VPS35: variants seen among roughly 807,000 people sequenced by gnomAD.
VPS35 encodes vacuolar protein sorting-associated protein 35.
Under a neutral mutation model 98.1 loss-of-function variants are expected in VPS35, and 21 were observed. The observed-to-expected ratio is 0.21, with a 90% confidence interval of 0.15 to 0.31. The LOEUF is 0.31. Among genes scored for constraint, VPS35 ranks in the 10% least tolerant of loss-of-function variants. The probability of loss-of-function intolerance (pLI) is 1.00; values close to 1 mark genes in which losing one functional copy is unlikely to be tolerated. For missense variants in VPS35, 554 were observed against 950.8 expected (o/e 0.58, Z 5.49); for synonymous variants, 268 against 318.2 (o/e 0.84, Z 1.68).
At chr16:46,670,753 T>C (rs936069594) in intron 12 of VPS35, among the ~76,000 whole-genome samples, 14 of 152,168 alleles carry the variant, frequency 9.2e-5, no homozygotes, top group African/African-American at 1.9e-4. Context: ...CCTGGAATGT[T>C]TGTCACTAAA....
intron 5 of VPS35, among the ~76,000 whole-genome samples, chr16:46,679,443 G>C (rs990176061): frequency 6.6e-6 from 1 of 152,154 alleles, no homozygotes; most frequent in Non-Finnish European, 1.5e-5. Context: ...AAAAAGGCTA[G>C]AAGGATGGGC....
At chr16:46,676,765 C>T in intron 7 of VPS35, 73 bp from the exon 8 acceptor site, 2 of 1,105,264 alleles carry the variant, frequency 1.8e-6, no homozygotes, top group Admixed American at 3.6e-5. Flanking sequence ...GTAAAGTTCA[C>T]ATTTGTGGGA....
chr16:46,677,439 T>C lies in VPS35; in HGVS notation c.721-41A>G, dbSNP rs781238749. On this transcript the variant is annotated intron_variant, in intron 6 of 16. Transcript: ENST00000299138. Reference sequence around the variant, plus strand: ...CACACATAAGGGTTAAAATCTGTTTTCAAAATCTTAAGCTATTCCTCTAGT... The same window carrying C: ...CACACATAAGGGTTAAAATCTGTTTCCAAAATCTTAAGCTATTCCTCTAGT... 4 of 1,558,238 alleles carry C rather than the reference T, an allele frequency of 2.6e-6. No homozygotes were observed. The African/African-American group carries it at 5.4e-5, about 21-fold the overall frequency.
rs1480205519 is a variant in VPS35 at position 46,677,370 on chromosome 16, A to G, written c.749T>C (p.Val250Ala). 1.9e-6 allele frequency: 3 copies of G among 1,613,926 alleles called. No individual in the cohort carries two copies. Among genetic ancestry groups the G allele is most frequent in the Non-Finnish European group, 2.5e-6 (3 of 1,179,942 alleles). Residue 250 changes from valine to alanine, a missense_variant, in exon 7 of 17, where the codon GTT becomes GCT. This residue lies in a region of VPS35 where 77 missense variants were observed against 222.3 expected (regional missense o/e 0.35). Transcript: ENST00000299138. The part of the protein sequence containing the change: ...QIVLTGILEQ[V>A]VNCRDALAQE... ...AGCCAAAGCATCCCTACAGTTTACA[A>G]CTTGCTCCAATATGCCAGTCAAAAC...
intron 13 of VPS35, among the ~76,000 whole-genome samples, chr16:46,664,821 C>A (rs1965965455): frequency 6.6e-6 from 1 of 152,162 alleles, no homozygotes; most frequent in Non-Finnish European, 1.5e-5. Flanking sequence ...GCACCCAGCT[C>A]TAATTTTTCC....
intron 6 of VPS35, 66 bp from the exon 7 acceptor site, chr16:46,677,464 T>C (rs1216396893): frequency 1.0e-5 from 14 of 1,344,222 alleles, no homozygotes; most frequent in Non-Finnish European, 1.5e-5. Context: ...ATTCCTCTAG[T>C]AACGCATTTG....
chr16:46,665,615 G>A (rs1168142602), intron 13 of VPS35, among the ~76,000 whole-genome samples: 1 of 150,028 alleles, frequency 6.7e-6, no homozygotes, highest in Non-Finnish European at 1.5e-5. Context: ...AAGTGACAGT[G>A]GCAGTCATAG....
chr16:46,665,709 C>T lies in VPS35; in HGVS notation c.1648-2547G>A, dbSNP rs544240607. 3.8e-4 allele frequency among the ~76,000 whole-genome samples: 58 copies of T among 152,038 alleles called. 1 individual carries two copies. In the South Asian group the frequency reaches 0.012, roughly 30 times the overall value. On this transcript the variant is annotated intron_variant, in intron 13 of 16. Coordinates refer to ENST00000299138, the MANE Select transcript of VPS35 (RefSeq NM_018206.6). Reference sequence around the variant, plus strand: ...TTACTTTTATTTATTTGCCCTAAATCGTTTTGATCCCCAGAATTTTTTTAT... The same window carrying T: ...TTACTTTTATTTATTTGCCCTAAATTGTTTTGATCCCCAGAATTTTTTTAT...
rs915246843 is a variant in VPS35 at position 46,657,503 on chromosome 16, T to TGA, written c.*2967_*2968dup. The stretch of plus-strand genomic sequence containing the variant: ...GGTCTGTCACATTTCTCAATGCCTT[T>TGA]GAGAGCTGCACACGAACTGTACACA... On this transcript the variant is annotated 3_prime_UTR_variant, in exon 17 of 17. Coordinates refer to ENST00000299138, the MANE Select transcript of VPS35 (RefSeq NM_018206.6). 6.6e-6 allele frequency: 1 copy of TGA among 152,222 alleles called. No homozygotes were observed. Among genetic ancestry groups the TGA allele is most frequent in the Non-Finnish European group, 1.5e-5 (1 of 68,056 alleles). The allele number at this position is 152,222 out of a possible 1,614,324, so 9.4% of individuals were successfully genotyped here. A position where few individuals can be genotyped will look rare whatever the true frequency, so the allele number is the denominator to read the frequency against.
Position 46,661,642 on chromosome 16 carries a change from T to G in VPS35, c.2211+76A>C. The G allele has an allele frequency of 7.4e-7, 1 of 1,353,692 alleles. No homozygotes were observed. Among genetic ancestry groups the G allele is most frequent in the East Asian group, 2.3e-5 (1 of 43,508 alleles). 83.9% of individuals were successfully genotyped at this position (1,353,692 alleles called of 1,614,324 possible). ...GATTAAAGTATCAGAATGATAAACT[T>G]TTGTACATATCAAATCTCCTAAGAG... On this transcript the variant is annotated intron_variant, in intron 16 of 16. Transcript: ENST00000299138. The surrounding 1 kb of genome is among the most constrained non-coding windows in gnomAD (Gnocchi z 4.3).
In VPS35 at chr16:46,679,135, G is replaced by A. The variant is rs1408565482; in HGVS notation, c.528C>T (p.Ile176=). 1.9e-6 allele frequency: 3 copies of A among 1,611,608 alleles called. No individual in the cohort carries two copies. The highest frequency in any genetic ancestry group is 2.2e-5 in the East Asian group (1 of 44,866). Reference sequence around the variant, plus strand: ...GCAGTACAAAATCCATGGAATCACTGATGTCACCAGTTGTTTCTTCACTGC... The same window carrying A: ...GCAGTACAAAATCCATGGAATCACTAATGTCACCAGTTGTTTCTTCACTGC... The part of the protein sequence containing the change: ...EPTDEETTGD[I]SDSMDFVLLN... The change falls in exon 6 of 17, where the codon ATC becomes ATT. Residue 176 remains isoleucine, a synonymous_variant. Transcript: ENST00000299138.
chr16:46,676,545 A>C (rs186652215), intron 8 of VPS35, 38 bp downstream of exon 8: 15 of 1,260,614 alleles, frequency 1.2e-5, no homozygotes, highest in Non-Finnish European at 1.6e-5. Flanking sequence ...ATTATTCCCA[A>C]GTCAGAGCAT....
At chr16:46,686,744 A>G (rs1337503770) in intron 1 of VPS35, among the ~76,000 whole-genome samples, 1 of 152,228 alleles carries the variant, frequency 6.6e-6, no homozygotes, top group East Asian at 1.9e-4. Flanking sequence ...TTCCTCAATC[A>G]TGAAAGTGGT....
At chr16:46,668,364 C>T (rs770961678) in intron 13 of VPS35, among the ~76,000 whole-genome samples, 2 of 152,190 alleles carry the variant, frequency 1.3e-5, no homozygotes, top group African/African-American at 4.8e-5. Context: ...CACTGTACTC[C>T]AGCCCGGGCG....
chr16:46,687,584 T>G (rs1966336898), intron 1 of VPS35, among the ~76,000 whole-genome samples: 1 of 152,112 alleles, frequency 6.6e-6, no homozygotes, highest in African/African-American at 2.4e-5. Flanking sequence ...AGTAAAGCAA[T>G]CCACACACTG....
chr16:46,684,284 C>G (rs1255193733), intron 1 of VPS35, among the ~76,000 whole-genome samples: 1 of 152,190 alleles, frequency 6.6e-6, no homozygotes, highest in Non-Finnish European at 1.5e-5. Context: ...TAAAGCCTCT[C>G]TTTTCCTCTA....
At chr16:46,663,207 A>T (rs1211420493) in intron 13 of VPS35, 45 bp from the exon 14 acceptor site, 2 of 1,553,934 alleles carry the variant, frequency 1.3e-6, no homozygotes, top group Non-Finnish European at 1.8e-6. Context: ...ATTCAAAATT[A>T]ACTTGTTCCA....
rs759686166 is a variant in VPS35 at position 46,663,183 on chromosome 16, T to C, written c.1648-21A>G. ...TCATCCTAAAACAAGAAAAAACATT[T>C]TAAGTTACCTTAAATTCAAAATTAA... On this transcript the variant is annotated intron_variant, in intron 13 of 16. Coordinates refer to ENST00000299138, the MANE Select transcript of VPS35 (RefSeq NM_018206.6). 1.9e-6 allele frequency: 3 copies of C among 1,600,846 alleles called. No homozygotes were observed. The Admixed American group carries it at 5.1e-5, about 27-fold the overall frequency.
At chr16:46,689,067 G>A (rs761569610) in intron 1 of VPS35, 64 bp downstream of exon 1, 10 of 1,586,928 alleles carry the variant, frequency 6.3e-6, no homozygotes, top group South Asian at 1.1e-5. Flanking sequence ...AGTGCGGGGC[G>A]GTGGGAGAGA....
Sources: gnomAD v4.1 joint callset for allele counts (sites outside exome capture counted in the v4.1 genomes callset) on GRCh38, gnomAD v4.1.1 for gene constraint, gnomAD v4.1.1 regional missense constraint, Gnocchi (gnomAD v3.1) non-coding constraint, MANE v1.5 for transcripts, NCBI Gene and HGNC (gene_info 2026-07-23, HGNC 2026-07-21) for gene names.